Variants in PSMD1 observed in about 807,000 individuals in gnomAD.
PSMD1 encodes the protein proteasome 26S subunit, non-ATPase 1, also known as 26S proteasome non-ATPase regulatory subunit 1.
PSMD1 carries 18 observed loss-of-function variants against 119.0 expected under a neutral mutation model. The observed-to-expected ratio is 0.15, with a 90% CI of 0.10 to 0.22. The LOEUF is 0.22. PSMD1 is among the 10% of genes least tolerant of loss of function. The pLI is 1.00. For missense variants in PSMD1, 702 were observed against 1,158.5 expected (o/e 0.61, Z 5.72); for synonymous variants, 374 against 396.6 (o/e 0.94, Z 0.68).
At chr2:231,122,490 G>C (rs920255747) in intron 16 of PSMD1, among the ~76,000 whole-genome samples, 6 of 151,980 alleles carry the variant, frequency 3.9e-5, no homozygotes, top group Non-Finnish European at 8.8e-5. Flanking sequence ...TAATCATTTT[G>C]CTTAGGCAGT....
At chr2:231,144,957 TCTCTTAATTTTTTATGAC>T (rs1449934158) in intron 17 of PSMD1, among the ~76,000 whole-genome samples, 4 of 152,222 alleles carry the variant, frequency 2.6e-5, no homozygotes, top group African/African-American at 9.7e-5. Flanking sequence ...AATCCCATTT[TCTCTTAATTTTTTATGAC>T]CTCTTACCTC....
At chr2:231,166,508 CTTTT>C (rs57532122) in intron 23 of PSMD1, among the ~76,000 whole-genome samples, 5 of 148,190 alleles carry the variant, frequency 3.4e-5, no homozygotes, top group African/African-American at 1.2e-4. Flanking sequence ...ACACCGTTGT[CTTTT>C]TTTTTTTTCT....
At chr2:231,141,032 G>A (rs1223933557) in intron 17 of PSMD1, among the ~76,000 whole-genome samples, 2 of 152,214 alleles carry the variant, frequency 1.3e-5, no homozygotes, top group African/African-American at 2.4e-5. Context: ...AACCTGCTGG[G>A]CGCGGTGGCT....
chr2:231,162,447 T>C (rs1696663108), intron 20 of PSMD1, among the ~76,000 whole-genome samples: 1 of 152,224 alleles, frequency 6.6e-6, no homozygotes, highest in Non-Finnish European at 1.5e-5. Context: ...TTTGTAAATA[T>C]TGAGCAGCTT....
At chr2:231,117,819 G>A (rs576398505) in intron 16 of PSMD1, among the ~76,000 whole-genome samples, 1 of 152,192 alleles carries the variant, frequency 6.6e-6, no homozygotes, top group African/African-American at 2.4e-5. Context: ...CACTTAATAT[G>A]AAATATAACT....
intron 16 of PSMD1, among the ~76,000 whole-genome samples, chr2:231,113,351 G>A (rs1474428608): frequency 6.6e-6 from 1 of 152,102 alleles, no homozygotes; most frequent in Non-Finnish European, 1.5e-5. Flanking sequence ...GATTTAAGGT[G>A]CATTTCTTGT....
At chr2:231,133,904 C>T (rs2125243851) in intron 16 of PSMD1, among the ~76,000 whole-genome samples, 1 of 152,300 alleles carries the variant, frequency 6.6e-6, no homozygotes, top group African/African-American at 2.4e-5. Flanking sequence ...GTGACTTATG[C>T]ATATGCCCTT....
chr2:231,088,415 G>A (rs962770195), intron 16 of PSMD1, among the ~76,000 whole-genome samples: 1 of 152,198 alleles, frequency 6.6e-6, no homozygotes, highest in East Asian at 1.9e-4. Context: ...TTGAAGGTTT[G>A]TGACAAGCCT....
chr2:231,142,722 G>C (rs1227532223), intron 17 of PSMD1, among the ~76,000 whole-genome samples: 2 of 151,908 alleles, frequency 1.3e-5, no homozygotes, highest in African/African-American at 2.4e-5. Flanking sequence ...CCGAGTTACT[G>C]TCTTTTACCT....
rs1391614767 is a variant in PSMD1, at chr2:231,072,391, C to A, written c.857C>A (p.Thr286Asn). ...GTGCCTGGATCCACTAATACGGGTA[C>A]TGTTCCGGGATCAGAGAAAGACAGG... ...ASVPGSTNTG[T>N]VPGSEKDSDS... The change falls in exon 7 of 25, where the codon ACT becomes AAT. Residue 286 changes from threonine to asparagine, a missense_variant. Physicochemically the swap from Thr to Asn is moderately conservative, Grantham distance 65 (BLOSUM62 0). Around this residue, in one of 9 missense-constraint regions of PSMD1, gnomAD observed 69 missense variants for 71.6 expected, o/e 0.96. Transcript: ENST00000308696. 6 of 1,612,804 alleles carry A rather than the reference C, an allele frequency of 3.7e-6. No individual in the cohort carries two copies. The highest frequency in any genetic ancestry group is 5.1e-6 in the Non-Finnish European group (6 of 1,178,774).
chr2:231,134,869 T>C (rs1053627763), intron 16 of PSMD1, among the ~76,000 whole-genome samples: 4 of 152,224 alleles, frequency 2.6e-5, no homozygotes, highest in African/African-American at 9.6e-5. Flanking sequence ...TTGGTGTATT[T>C]CCTAGTGCTT....
chr2:231,123,465 A>G (rs1374782462), intron 16 of PSMD1: 1 of 1,614,074 alleles, frequency 6.2e-7, no homozygotes, highest in Non-Finnish European at 8.5e-7. Flanking sequence ...CAACCAGCAA[A>G]TCAGCCACCG....
In PSMD1 at chr2:231,139,019, C is replaced by T; in HGVS notation, c.1998+169C>T. The T allele has an allele frequency of 4.3e-6, 3 of 701,340 alleles. No homozygotes were observed. In the South Asian group the frequency reaches 4.5e-5, roughly 11 times the overall value. The allele number at this position is 701,340 out of a possible 1,614,324, so 43.4% of individuals were successfully genotyped here. On this transcript the variant is annotated intron_variant, in intron 17 of 24. Coordinates refer to ENST00000308696, the MANE Select transcript of PSMD1 (RefSeq NM_002807.4). Reference sequence around the variant, plus strand: ...CCTCATTCTGCGATGCTGGATTGCCCAAAGCTGCTTAAGAATAAATCGTCA... The same window carrying T: ...CCTCATTCTGCGATGCTGGATTGCCTAAAGCTGCTTAAGAATAAATCGTCA...
chr2:231,144,895 C>T (rs1390138445), intron 17 of PSMD1, among the ~76,000 whole-genome samples: 2 of 152,190 alleles, frequency 1.3e-5, no homozygotes, highest in Admixed American at 1.3e-4. Flanking sequence ...TAGCATAATA[C>T]ATAAAATACC....
At chr2:231,169,910 T>G (rs1696875241) in intron 23 of PSMD1, among the ~76,000 whole-genome samples, 1 of 152,224 alleles carries the variant, frequency 6.6e-6, no homozygotes, top group African/African-American at 2.4e-5. Context: ...CATGTATTTT[T>G]TCATCGGCTT....
intron 11 of PSMD1, among the ~76,000 whole-genome samples, 178 bp from the exon 12 acceptor site, chr2:231,079,963 T>A (rs1402433811): frequency 1.3e-5 from 2 of 151,898 alleles, no homozygotes; most frequent in African/African-American, 4.8e-5. Context: ...TGTAACTGGG[T>A]CTCTTTAAAG....
In PSMD1 at chr2:231,134,139, A is replaced by G. The variant is rs185833029; in HGVS notation, c.1884-4597A>G. Among the ~76,000 whole-genome samples the G allele has an allele frequency of 7.2e-5, 11 of 152,378 alleles. No individual in the cohort carries two copies. The East Asian group carries it at 9.6e-4, about 13-fold the overall frequency. On this transcript the variant is annotated intron_variant, in intron 16 of 24. Coordinates refer to ENST00000308696, the MANE Select transcript of PSMD1 (RefSeq NM_002807.4). ...GTTTTTACTTACTGCTGCCTATTAT[A>G]TTATACCTTATGATGAACCAGAAGT... is the stretch of plus-strand genomic sequence containing the variant.
chr2:231,072,163 A>AT, intron 6 of PSMD1, 26 bp from the exon 7 acceptor site: 1 of 1,559,200 alleles, frequency 6.4e-7, no homozygotes, highest in African/African-American at 1.4e-5. Context: ...TAATTATTGA[A>AT]TAATTGTTCT....
At chr2:231,141,700 G>A (rs558909927) in intron 17 of PSMD1, among the ~76,000 whole-genome samples, 78 of 151,632 alleles carry the variant, frequency 5.1e-4, no homozygotes, top group African/African-American at 1.9e-3. Context: ...TGTCTTTGCC[G>A]AAATGTAAGA....
Sources: allele counts gnomAD v4.1 joint callset (sites outside exome capture counted in the v4.1 genomes callset), GRCh38; gene constraint gnomAD v4.1.1; regional missense constraint gnomAD v4.1.1; transcripts MANE v1.5; gene names NCBI Gene and HGNC (gene_info 2026-07-23, HGNC 2026-07-21).